EEA1: variants seen among roughly 807,000 people sequenced by gnomAD.
EEA1 encodes the protein early endosome antigen 1, 162kD.
In EEA1, 111 loss-of-function variants were observed where a neutral mutation model predicts 209.2. The ratio of observed to expected loss-of-function variants is 0.53; its 90% CI spans 0.45 to 0.62. The LOEUF is 0.62. Ranked by LOEUF, EEA1 falls within the 20% of genes least tolerant of loss-of-function variation. The probability of loss-of-function intolerance (pLI) is 0.00; values close to 1 mark genes in which losing one functional copy is unlikely to be tolerated. For missense variants in EEA1, 1,343 were observed against 1,530.8 expected (o/e 0.88, Z 2.05); for synonymous variants, 536 against 540.6 (o/e 0.99, Z 0.12).
At chr12:92,882,709 A>G (rs1475446437) in intron 2 of EEA1, among the ~76,000 whole-genome samples, 1 of 152,192 alleles carries the variant, frequency 6.6e-6, no homozygotes, top group East Asian at 1.9e-4. Flanking sequence ...GCTTGGGATA[A>G]TAGCCTCTAG....
intron 1 of EEA1, among the ~76,000 whole-genome samples, chr12:92,907,977 A>G (rs1880441082): frequency 6.6e-6 from 1 of 152,180 alleles, no homozygotes; most frequent in African/African-American, 2.4e-5. Flanking sequence ...CAAACAAACA[A>G]ACAAACAAAA....
chr12:92,880,971 T>C (rs996763866), intron 2 of EEA1, among the ~76,000 whole-genome samples: 2 of 152,186 alleles, frequency 1.3e-5, no homozygotes, highest in African/African-American at 4.8e-5. Context: ...GATGAGTTCT[T>C]TGCCTCATAT....
intron 1 of EEA1, among the ~76,000 whole-genome samples, chr12:92,907,093 C>T (rs867887658): frequency 6.6e-6 from 1 of 152,118 alleles, no homozygotes; most frequent in African/African-American, 2.4e-5. Context: ...ATAACAAATA[C>T]TATTTCATGA....
chr12:92,892,317 C>T (rs1483719017), intron 1 of EEA1, among the ~76,000 whole-genome samples: 3 of 152,112 alleles, frequency 2.0e-5, no homozygotes, highest in African/African-American at 7.2e-5. Flanking sequence ...GTCTCAAACT[C>T]CTGAGCTCAA....
intron 2 of EEA1, among the ~76,000 whole-genome samples, chr12:92,869,752 C>CAAAAAAAAAAAAAAAAAAAA (rs71069185): frequency 3.7e-5 from 1 of 26,792 alleles, no homozygotes; most frequent in Non-Finnish European, 7.0e-5. Context: ...GATTCTGCCT[C>CAAAAAAAAAAAAAAAAAAAA]AAAAAAAAAA....
intron 10 of EEA1, among the ~76,000 whole-genome samples, chr12:92,837,602 AAC>A (rs1368604452): frequency 6.6e-6 from 1 of 152,220 alleles, no homozygotes; most frequent in Non-Finnish European, 1.5e-5. Flanking sequence ...TTTATAAGGA[AAC>A]AGTTAATTGA....
chr12:92,777,189 C>T (rs1273091437), intron 27 of EEA1, among the ~76,000 whole-genome samples: 1 of 151,782 alleles, frequency 6.6e-6, no homozygotes, highest in African/African-American at 2.4e-5. Flanking sequence ...TGCTGATTTC[C>T]AATCCATTCT....
chr12:92,817,575 A>T (rs1875852232), intron 14 of EEA1, among the ~76,000 whole-genome samples: 1 of 152,016 alleles, frequency 6.6e-6, no homozygotes, highest in Admixed American at 6.6e-5. Flanking sequence ...ATCCATAAGC[A>T]TATTTGAAGA....
intron 1 of EEA1, among the ~76,000 whole-genome samples, chr12:92,916,996 A>G (rs1055342999): frequency 5.9e-5 from 9 of 151,732 alleles, no homozygotes; most frequent in African/African-American, 1.7e-4. Flanking sequence ...GGGTGTCAGC[A>G]ATGGAAGATG....
At chr12:92,884,231 G>A (rs1182080936) in intron 2 of EEA1, 35 of 1,518,370 alleles carry the variant, frequency 2.3e-5, no homozygotes, top group South Asian at 4.5e-5. Context: ...AACCTTTGAC[G>A]ACCATGACTC....
At chr12:92,807,509 G>A (rs986303804) in intron 18 of EEA1, among the ~76,000 whole-genome samples, 1 of 152,096 alleles carries the variant, frequency 6.6e-6, no homozygotes, top group Admixed American at 6.5e-5. Context: ...TCTATTCACA[G>A]ATAACATGAA....
At chr12:92,836,759 C>T (rs183790432) in intron 10 of EEA1, among the ~76,000 whole-genome samples, 129 of 152,210 alleles carry the variant, frequency 8.5e-4, no homozygotes, top group African/African-American at 3.1e-3. Flanking sequence ...GCCTAATTTA[C>T]TAGGCAGTAA....
intron 1 of EEA1, among the ~76,000 whole-genome samples, chr12:92,893,898 C>T (rs1199189634): frequency 6.6e-6 from 1 of 151,946 alleles, no homozygotes; most frequent in Non-Finnish European, 1.5e-5. Flanking sequence ...TATTTACAGG[C>T]ATATCTCATT....
At chr12:92,786,816 A>G (rs1023307842) in intron 22 of EEA1, among the ~76,000 whole-genome samples, 20 of 152,178 alleles carry the variant, frequency 1.3e-4, no homozygotes, top group African/African-American at 4.6e-4. Context: ...CCCCTCAAAT[A>G]TAAAATCCAA....
intron 21 of EEA1, among the ~76,000 whole-genome samples, chr12:92,790,936 C>T (rs1874374843): frequency 6.6e-6 from 1 of 152,268 alleles, no homozygotes; most frequent in Middle Eastern, 3.4e-3. Context: ...CGACAGAAAC[C>T]CTACAAGCCA....
intron 2 of EEA1, among the ~76,000 whole-genome samples, chr12:92,891,117 A>C (rs941002494): frequency 6.6e-6 from 1 of 152,072 alleles, no homozygotes; most frequent in Non-Finnish European, 1.5e-5. Context: ...AATGCAACTA[A>C]AGCTGACTTT....
rs1269656540 is a variant in EEA1 at position 92,826,278 on chromosome 12, T to C, written c.1412A>G (p.Glu471Gly). ...CAATTCTGTAGAATTTGTAACTTTT[T>C]CCTTCAACTTAAAAAAATGTAGATT... is the stretch of plus-strand genomic sequence containing the variant. ...KLSRLEEQLK[E>G]KVTNSTELQH... Residue 471 changes from glutamate to glycine, a missense_variant, in exon 13 of 29, where the codon GAA (glutamate) becomes GGA (glycine). By Grantham distance (98) the Glu-to-Gly change is moderately conservative. Transcript: ENST00000322349. 3 of 1,610,732 alleles carry C rather than the reference T, an allele frequency of 1.9e-6. No homozygotes were observed. The highest frequency in any genetic ancestry group is 2.5e-6 in the Non-Finnish European group (3 of 1,177,514).
intron 9 of EEA1, among the ~76,000 whole-genome samples, chr12:92,850,412 G>A (rs922730792): frequency 2.0e-5 from 3 of 152,088 alleles, no homozygotes; most frequent in East Asian, 1.9e-4. Flanking sequence ...GCTTATGGCC[G>A]GGTGCAGTGG....
At chr12:92,862,423 C>T (rs1365196337) in intron 3 of EEA1, among the ~76,000 whole-genome samples, 1 of 151,288 alleles carries the variant, frequency 6.6e-6, no homozygotes, top group Non-Finnish European at 1.5e-5. Context: ...AGACACTGTC[C>T]CAAAAAGAAA....
Sources: allele counts gnomAD v4.1 joint callset (sites outside exome capture counted in the v4.1 genomes callset), GRCh38; gene constraint gnomAD v4.1.1; transcripts MANE v1.5; gene names NCBI Gene and HGNC (gene_info 2026-07-23, HGNC 2026-07-21).